Variants in BDP1 observed in about 807,000 individuals in gnomAD.
BDP1 encodes the protein transcription factor TFIIIB component B'' homolog.
Under a neutral mutation model 266.6 loss-of-function variants are expected in BDP1, and 169 were observed. The ratio of observed to expected loss-of-function variants is 0.63; its 90% CI spans 0.56 to 0.72. BDP1 has a LOEUF of 0.72. Among genes scored for constraint, BDP1 ranks in the 30% least tolerant of loss-of-function variants. BDP1 has a pLI of 0.00. For synonymous variants in BDP1, 1,090 were observed against 1,022.4 expected, an observed-to-expected ratio of 1.07 and a Z score of -1.26; for missense variants, 3,015 against 3,053.8, an observed-to-expected ratio of 0.99 and a Z score of 0.30.
At chr5:71,544,879 CAAAAAAAAAAA>C (rs141573220) in intron 31 of BDP1, among the ~76,000 whole-genome samples, 149 bp from the exon 32 acceptor site, 5 of 28,516 alleles carry the variant, frequency 1.8e-4, no homozygotes, top group African/African-American at 5.6e-4. Context: ...GACTCTGTCT[CAAAAAAAAAAA>C]AAAAAAAAAA....
At chr5:71,468,699 T>C (rs567737715) in intron 6 of BDP1, among the ~76,000 whole-genome samples, 36 of 149,878 alleles carry the variant, frequency 2.4e-4, no homozygotes, top group Non-Finnish European at 4.6e-4. Context: ...CTCTGCTTCC[T>C]GGGTTCAAGC....
chr5:71,489,861 A>T (rs1763484543), intron 10 of BDP1, among the ~76,000 whole-genome samples, 179 bp downstream of exon 10: 1 of 152,202 alleles, frequency 6.6e-6, no homozygotes, highest in South Asian at 2.1e-4. Context: ...ATGTAAAAAA[A>T]TTAAACAAAT....
chr5:71,565,082 C>G lies in BDP1; in HGVS notation c.*197C>G. 1 of 532,892 alleles carries G rather than the reference C, an allele frequency of 1.9e-6. No homozygotes were observed. Among genetic ancestry groups the G allele is most frequent in the African/African-American group, 1.9e-5 (1 of 52,064 alleles). 33.0% of individuals were successfully genotyped at this position (532,892 alleles called of 1,614,324 possible). A position where few individuals can be genotyped will look rare whatever the true frequency, so the allele number is the denominator to read the frequency against. On this transcript the variant is annotated 3_prime_UTR_variant, in exon 39 of 39. Coordinates refer to ENST00000358731, the MANE Select transcript of BDP1 (RefSeq NM_018429.3). ...GAGGTTCCTTTCATTCTGACTGATTCAGCATTTTGCAAATAGCAAGCAATT... is the reference window on the plus strand; with the variant it reads ...GAGGTTCCTTTCATTCTGACTGATTGAGCATTTTGCAAATAGCAAGCAATT...
At chr5:71,506,825 C>CACACACACACACACACACA (rs1411528862) in intron 16 of BDP1, among the ~76,000 whole-genome samples, 1 of 76,964 alleles carries the variant, frequency 1.3e-5, no homozygotes, top group East Asian at 3.7e-4. Flanking sequence ...ACACACACAC[C>CACACACACACACACACACA]CATATTTTTT....
At position 71,490,912 on chromosome 5, in the gene BDP1, A is replaced by G. The variant is rs2150411620; in HGVS notation, c.1493-72A>G. On this transcript the variant is annotated intron_variant, in intron 10 of 38. Transcript: ENST00000358731. ...TTTGTAGGAAAAGAGTGTTATAGGT[A>G]AATTCCTTTGTGCTCTAAAAAAGAT... 3 of 1,477,520 alleles carry G rather than the reference A, an allele frequency of 2.0e-6. No homozygotes were observed. The East Asian group carries it at 7.1e-5, about 35-fold the overall frequency. The allele number at this position is 1,477,520 out of a possible 1,614,324, so 91.5% of individuals were successfully genotyped here.
chr5:71,555,628 G>A (rs468028), intron 35 of BDP1, among the ~76,000 whole-genome samples: 68,128 of 151,658 alleles, frequency 0.45, 15,653 homozygotes, highest in South Asian at 0.55. Flanking sequence ...TAGTAGAGAC[G>A]GGGTTTCTCC....
chr5:71,484,046 A>G (rs992199057), intron 8 of BDP1, 150 bp downstream of exon 8: 29 of 641,996 alleles, frequency 4.5e-5, no homozygotes, highest in Admixed American at 4.2e-4. Flanking sequence ...GTTTAGCAGT[A>G]TGGGTCTGGC....
chr5:71,557,836 C>T (rs748440743), intron 36 of BDP1, among the ~76,000 whole-genome samples: 17 of 152,120 alleles, frequency 1.1e-4, no homozygotes, highest in Middle Eastern at 6.3e-3. Flanking sequence ...CCACCTGTGG[C>T]CTATAATGGC....
chr5:71,461,724 C>G (rs932369315), intron 2 of BDP1, 93 bp from the exon 3 acceptor site: 4 of 669,642 alleles, frequency 6.0e-6, no homozygotes, highest in Middle Eastern at 3.8e-4. Context: ...AAAGCACTTA[C>G]AGTGAACGCA....
intron 22 of BDP1, among the ~76,000 whole-genome samples, chr5:71,521,639 A>G (rs1409754594): frequency 3.3e-5 from 5 of 152,126 alleles, no homozygotes; most frequent in African/African-American, 1.2e-4. Flanking sequence ...CAGTTGCTAA[A>G]ATATTGTCCA....
chr5:71,545,051 A>C lies in BDP1; in HGVS notation c.6576A>C (p.Gln2192His). The C allele has an allele frequency of 6.2e-7, 1 of 1,612,934 alleles. No homozygotes were observed. The highest frequency in any genetic ancestry group is 8.5e-7 in the Non-Finnish European group (1 of 1,179,722). ...EVNLTERNEN[Q>H]EESSQEVHML... ...AACTCTCTTTCAGAAACGAAAATCA[A>C]GAAGAGAGCTCTCAGGAGGTTCACA... Residue 2192 changes from glutamine to histidine, a missense_variant, in exon 32 of 39, where the codon CAA becomes CAC. Physicochemically the swap from Gln to His is conservative, Grantham distance 24. Coordinates refer to ENST00000358731, the MANE Select transcript of BDP1 (RefSeq NM_018429.3).
At chr5:71,562,991 G>T in intron 38 of BDP1, 1 of 927,904 alleles carries the variant, frequency 1.1e-6, no homozygotes, top group Non-Finnish European at 1.4e-6. Context: ...AGGCTGGTGA[G>T]CATCTGTTGA....
Position 71,510,201 on chromosome 5 carries a change from T to G in BDP1, c.3109T>G (p.Leu1037Val), listed in dbSNP as rs1427668006. The change falls in exon 17 of 39, where the codon TTG becomes GTG. Residue 1037 changes from leucine to valine, a missense_variant. Leu to Val is a conservative substitution (Grantham distance 32). Coordinates refer to ENST00000358731, the MANE Select transcript of BDP1 (RefSeq NM_018429.3). ...GATTGATGCTACTGAGGAAATAGATTTGGAAGAAACTGAAAGAGAAGTATC... is the reference window on the plus strand; with the variant it reads ...GATTGATGCTACTGAGGAAATAGATGTGGAAGAAACTGAAAGAGAAGTATC... Reference protein sequence around the residue: ...EVIDATEEIDLEETEREVSPQ... With the variant: ...EVIDATEEIDVEETEREVSPQ... The G allele has an allele frequency of 6.3e-7, 1 of 1,598,232 alleles. No individual in the cohort carries two copies. Among genetic ancestry groups the G allele is most frequent in the Non-Finnish European group, 8.5e-7 (1 of 1,174,910 alleles).
chr5:71,499,351 A>G (rs1468681920), intron 13 of BDP1, among the ~76,000 whole-genome samples: 2 of 152,166 alleles, frequency 1.3e-5, no homozygotes, highest in Non-Finnish European at 2.9e-5. Flanking sequence ...CCACGGTGGC[A>G]CACACCTGTA....
At chr5:71,513,548 T>A in intron 19 of BDP1, 141 bp downstream of exon 19, 1 of 632,176 alleles carries the variant, frequency 1.6e-6, no homozygotes, top group Non-Finnish European at 2.8e-6. Flanking sequence ...CTCCCATGCT[T>A]AATGTGCCTC....
chr5:71,490,809 CAT>C (rs1250911127), intron 10 of BDP1, among the ~76,000 whole-genome samples, 173 bp from the exon 11 acceptor site: 1 of 152,162 alleles, frequency 6.6e-6, no homozygotes, highest in African/African-American at 2.4e-5. Flanking sequence ...AGCTGATCCT[CAT>C]ATATGTTAAG....
intron 4 of BDP1, 37 bp downstream of exon 4, chr5:71,464,154 A>C (rs375702700): frequency 4.7e-6 from 6 of 1,271,112 alleles, no homozygotes; most frequent in Non-Finnish European, 6.6e-6. Flanking sequence ...CTATTCCTAC[A>C]TTTTTTAAGA....
At position 71,510,059 on chromosome 5, in the gene BDP1, A is replaced by G; in HGVS notation, c.2967A>G (p.Arg989=). 1.9e-6 allele frequency: 3 copies of G among 1,613,890 alleles called. No individual in the cohort carries two copies. The highest frequency in any genetic ancestry group is 2.5e-6 in the Non-Finnish European group (3 of 1,179,948). ...EIDKNLEETG[R]RKISPRENGP... ...ACAAAAATTTGGAAGAAACTGGAAGAAGAAAAATATCCCCAAGGGAAAATG... is the reference window on the plus strand; with the variant it reads ...ACAAAAATTTGGAAGAAACTGGAAGGAGAAAAATATCCCCAAGGGAAAATG... The change falls in exon 17 of 39, where the codon AGA becomes AGG. Residue 989 remains arginine, a synonymous_variant. Transcript: ENST00000358731.
In BDP1 at chr5:71,522,895, G is replaced by T. The variant is rs754971598; in HGVS notation, c.5333G>T (p.Gly1778Val). The change falls in exon 24 of 39, where the codon GGA becomes GTA. Residue 1778 changes from glycine (G) to valine (V), a missense_variant. Physicochemically the swap from Gly to Val is moderately radical, Grantham distance 109. Transcript: ENST00000358731. The part of the protein sequence containing the change: ...PSRRVGEETV[G>V]DNSPSSVVEE... ...AGAAGGGTTGGAGAGGAAACTGTAG[G>T]AGATAATTCACCATCTTCAGTTGTT... 4 of 1,609,560 alleles carry T rather than the reference G, an allele frequency of 2.5e-6. No individual in the cohort carries two copies. In the South Asian group the frequency reaches 3.3e-5, roughly 13 times the overall value.
Sources: gnomAD v4.1 joint callset for allele counts (sites outside exome capture counted in the v4.1 genomes callset) on GRCh38, gnomAD v4.1.1 for gene constraint, MANE v1.5 for transcripts, NCBI Gene and HGNC (gene_info 2026-07-23, HGNC 2026-07-21) for gene names.